The following CXCL13 variants were observed in gnomAD, a reference collection of about 807,000 sequenced individuals.
CXCL13 encodes the protein C-X-C motif chemokine 13.
A neutral mutation model predicts 12.2 loss-of-function variants in CXCL13; 7 were observed. The ratio of observed to expected loss-of-function variants is 0.57; its 90% CI spans 0.33 to 1.07. CXCL13 has a LOEUF of 1.07. CXCL13 is among the 50% of genes least tolerant of loss of function. The pLI is 0.04. For synonymous variants in CXCL13, 47 were observed against 42.4 expected, an observed-to-expected ratio of 1.11 and a Z score of -0.42; for missense variants, 113 against 127.4, an observed-to-expected ratio of 0.89 and a Z score of 0.55.
intron 1 of CXCL13, among the ~76,000 whole-genome samples, chr4:77,564,625 C>A (rs1052893253): frequency 1.3e-5 from 2 of 152,174 alleles, no homozygotes; most frequent in African/African-American, 2.4e-5. Context: ...TGTTCCTATA[C>A]CACCAGTGAA....
At chr4:77,550,909 A>C (rs187582362) in intron 1 of CXCL13, among the ~76,000 whole-genome samples, 216 of 152,198 alleles carry the variant, frequency 1.4e-3, no homozygotes, top group African/African-American at 4.9e-3. Context: ...TAAAGTGTTT[A>C]TCTAATATCT....
intron 1 of CXCL13, among the ~76,000 whole-genome samples, chr4:77,526,100 GC>G (rs1724757596): frequency 6.6e-6 from 1 of 151,928 alleles, no homozygotes; most frequent in African/African-American, 2.4e-5. Context: ...GCAGAAGGTA[GC>G]AGAAAGATGT....
chr4:77,532,160 G>T (rs913179940), intron 1 of CXCL13, among the ~76,000 whole-genome samples: 2 of 152,172 alleles, frequency 1.3e-5, no homozygotes, highest in Admixed American at 6.5e-5. Flanking sequence ...TTTACAATTT[G>T]GCATGTTTTT....
At chr4:77,527,086 T>C (rs924982745) in intron 1 of CXCL13, among the ~76,000 whole-genome samples, 1 of 152,286 alleles carries the variant, frequency 6.6e-6, no homozygotes, top group Non-Finnish European at 1.5e-5. Flanking sequence ...TTTCAAAATA[T>C]ATCACTGACA....
chr4:77,532,982 C>T (rs919348049), intron 1 of CXCL13, among the ~76,000 whole-genome samples: 24 of 152,140 alleles, frequency 1.6e-4, no homozygotes, highest in Admixed American at 7.2e-4. Context: ...TGGGTTTGAA[C>T]TTCCTCCTTT....
intron 1 of CXCL13, among the ~76,000 whole-genome samples, chr4:77,555,533 AGACC>A (rs2109809409): frequency 6.6e-6 from 1 of 152,248 alleles, no homozygotes; most frequent in African/African-American, 2.4e-5. Flanking sequence ...AATAGAATAG[AGACC>A]TAAATGTAAA....
At chr4:77,569,263 A>G (rs1483552733) in intron 1 of CXCL13, among the ~76,000 whole-genome samples, 1 of 152,226 alleles carries the variant, frequency 6.6e-6, no homozygotes, top group Non-Finnish European at 1.5e-5. Context: ...AGTCTTGGCC[A>G]GAGCAATCAG....
rs149828450 is a variant in CXCL13, at chr4:77,535,541, T to A, written c.-43+23753T>A. Among the ~76,000 whole-genome samples the A allele has an allele frequency of 2.3e-3, 343 of 152,324 alleles. 2 individuals are homozygous for A. Among genetic ancestry groups the A allele is most frequent in the African/African-American group, 7.5e-3 (312 of 41,574 alleles). ...TCCTCCCCTTGAATCTGAGCAGAGC[T>A]AATAGCACATGTTGGAAGTGACATA... is the stretch of plus-strand genomic sequence containing the variant. On this transcript the variant is annotated intron_variant, in intron 1 of 4. Coordinates refer to the CXCL13 transcript ENST00000286758.
rs367620159 is a variant in CXCL13, at chr4:77,570,848, C to T, written c.-42-34976C>T. ...GGGTGTACTGGATCCCCAAGCAGTG[C>T]CAGCCCACCGGTGCTGCGCTCGATT... On this transcript the variant is annotated intron_variant, in intron 1 of 4. Transcript: ENST00000286758. Among the ~76,000 whole-genome samples, 33 of 152,066 alleles carry T rather than the reference C, an allele frequency of 2.2e-4. 2 individuals carry two copies. Among genetic ancestry groups the T allele is most frequent in the African/African-American group, 7.5e-4 (31 of 41,328 alleles).
chr4:77,547,990 G>A (rs1217697493), intron 1 of CXCL13, among the ~76,000 whole-genome samples: 1 of 152,040 alleles, frequency 6.6e-6, no homozygotes, highest in Non-Finnish European at 1.5e-5. Context: ...ATTTGTTTAT[G>A]AAGCTTAGTT....
intron 1 of CXCL13, among the ~76,000 whole-genome samples, chr4:77,535,928 T>C (rs1236883861): frequency 1.3e-5 from 2 of 152,206 alleles, no homozygotes; most frequent in Admixed American, 6.5e-5. Flanking sequence ...AAGTTGGGTG[T>C]GGAATTGATC....
intron 1 of CXCL13, among the ~76,000 whole-genome samples, chr4:77,555,347 C>T (rs557012288): frequency 3.9e-5 from 6 of 151,974 alleles, no homozygotes; most frequent in South Asian, 4.1e-4. Context: ...CCAAAATTAA[C>T]ATAAAAAGAA....
At chr4:77,561,307 G>A (rs1308722233) in intron 1 of CXCL13, among the ~76,000 whole-genome samples, 1 of 152,150 alleles carries the variant, frequency 6.6e-6, no homozygotes, top group Admixed American at 6.5e-5. Flanking sequence ...ATTCTAACAA[G>A]ATCTGCAGGT....
At chr4:77,565,989 T>G (rs986026033) in intron 1 of CXCL13, among the ~76,000 whole-genome samples, 6 of 152,222 alleles carry the variant, frequency 3.9e-5, no homozygotes, top group African/African-American at 1.4e-4. Context: ...GAACCTGGTT[T>G]TCTAATATTT....
chr4:77,515,935 A>C (rs1236663052), intron 1 of CXCL13, among the ~76,000 whole-genome samples: 1 of 152,162 alleles, frequency 6.6e-6, no homozygotes, highest in Non-Finnish European at 1.5e-5. Flanking sequence ...TATGATATTG[A>C]CTGTGGGTTT....
intron 1 of CXCL13, among the ~76,000 whole-genome samples, chr4:77,512,649 T>A (rs1724303766): frequency 6.6e-6 from 1 of 152,294 alleles, no homozygotes; most frequent in Admixed American, 6.5e-5. Context: ...TTTAACTTAA[T>A]TGCCTCTTTA....
intron 1 of CXCL13, among the ~76,000 whole-genome samples, chr4:77,522,389 A>G (rs1029876067): frequency 6.6e-6 from 1 of 151,516 alleles, no homozygotes; most frequent in Non-Finnish European, 1.5e-5. Flanking sequence ...GCATATATAT[A>G]TTTGGGATAT....
intron 1 of CXCL13, among the ~76,000 whole-genome samples, chr4:77,581,354 G>A (rs1726330146): frequency 6.6e-6 from 1 of 152,136 alleles, no homozygotes; most frequent in Non-Finnish European, 1.5e-5. Flanking sequence ...CTGAATATTG[G>A]CTATTTTGTT....
intron 1 of CXCL13, among the ~76,000 whole-genome samples, chr4:77,563,288 G>T (rs900487363): frequency 6.6e-6 from 1 of 152,154 alleles, no homozygotes. Flanking sequence ...AGCAAAGACC[G>T]ATGAGAGTTA....
Sources: allele counts gnomAD v4.1 joint callset (sites outside exome capture counted in the v4.1 genomes callset), GRCh38; gene constraint gnomAD v4.1.1; transcripts MANE v1.5; gene names NCBI Gene and HGNC (gene_info 2026-07-23, HGNC 2026-07-21).